Variants in ADAT1 observed in about 807,000 individuals in gnomAD.
ADAT1 encodes the protein adenosine deaminase tRNA specific 1, also known as tRNA-specific adenosine deaminase 1.
ADAT1 carries 58 observed loss-of-function variants against 58.6 expected under a neutral mutation model. The observed-to-expected ratio is 0.99, with a 90% CI of 0.80 to 1.23. The LOEUF is 1.23. Among genes scored for constraint, ADAT1 ranks in the 50% most tolerant of loss-of-function variants. The pLI is 0.00. For missense variants in ADAT1, 741 were observed against 608.6 expected, an observed-to-expected ratio of 1.22 and a Z score of -2.29; for synonymous variants, 254 against 220.8, an observed-to-expected ratio of 1.15 and a Z score of -1.33.
At position 75,617,462 on chromosome 16, in the gene ADAT1, G is replaced by C. The variant is rs1042185844; in HGVS notation, c.294-190C>G. On this transcript the variant is annotated intron_variant, in intron 4 of 9. Transcript: ENST00000564657. ...TGTACCAGCAGCATCAGCATCACCT[G>C]GGAATTTGTTAGACCTCCAATTTCA... is the stretch of plus-strand genomic sequence containing the variant. Among the ~76,000 whole-genome samples the C allele has an allele frequency of 2.0e-5, 3 of 152,014 alleles. No individual in the cohort carries two copies. In the East Asian group the frequency reaches 5.8e-4, roughly 29 times the overall value.
intron 8 of ADAT1, among the ~76,000 whole-genome samples, chr16:75,604,143 G>T (rs781254006): frequency 2.6e-4 from 39 of 151,892 alleles, no homozygotes; most frequent in South Asian, 2.1e-4. Flanking sequence ...ATGTAATTAG[G>T]GATGGCCAAA....
chr16:75,603,020 C>T (rs544312765), intron 9 of ADAT1, 65 bp downstream of exon 9: 4 of 1,470,138 alleles, frequency 2.7e-6, no homozygotes, highest in Middle Eastern at 1.7e-4. Context: ...CTTCTTGCTA[C>T]TCAGAAGCCA....
intron 9 of ADAT1, 120 bp from the exon 10 acceptor site, chr16:75,600,468 T>C: frequency 6.9e-7 from 1 of 1,452,748 alleles, no homozygotes; most frequent in Non-Finnish European, 9.2e-7. Context: ...GAGAAGGAGT[T>C]CAGTATGCTT....
intron 3 of ADAT1, 149 bp from the exon 4 acceptor site, chr16:75,618,789 A>G: frequency 1.2e-6 from 1 of 868,712 alleles, no homozygotes; most frequent in Non-Finnish European, 1.8e-6. Context: ...ATCATGAATA[A>G]CAATGCATCA....
At chr16:75,600,395 C>T in intron 9 of ADAT1, 47 bp from the exon 10 acceptor site, 5 of 1,605,910 alleles carry the variant, frequency 3.1e-6, no homozygotes, top group Non-Finnish European at 2.6e-6. Flanking sequence ...TTGAATAGCC[C>T]ACCCCAGGGG....
intron 3 of ADAT1, 113 bp from the exon 4 acceptor site, chr16:75,618,753 G>T: frequency 8.1e-7 from 1 of 1,239,184 alleles, no homozygotes; most frequent in Non-Finnish European, 1.1e-6. Context: ...TGTAGCTCCT[G>T]GAGAGCTTTG....
chr16:75,615,861 G>A (rs2081695480), intron 5 of ADAT1, among the ~76,000 whole-genome samples: 1 of 152,188 alleles, frequency 6.6e-6, no homozygotes, highest in African/African-American at 2.4e-5. Context: ...AGCTTGAGAG[G>A]AGCTGATTAG....
intron 6 of ADAT1, among the ~76,000 whole-genome samples, chr16:75,610,947 AC>A (rs1255082412): frequency 6.6e-6 from 1 of 152,200 alleles, no homozygotes. Context: ...CCCCGTCTCC[AC>A]AAAAAAAATT....
intron 5 of ADAT1, among the ~76,000 whole-genome samples, chr16:75,615,456 G>A (rs769050416): frequency 3.4e-5 from 2 of 58,490 alleles, no homozygotes; most frequent in African/African-American, 6.8e-5. Flanking sequence ...CAAAATACAC[G>A]AACGCAAACG....
intron 3 of ADAT1, among the ~76,000 whole-genome samples, chr16:75,619,054 C>G (rs914960501): frequency 2.0e-5 from 3 of 152,174 alleles, no homozygotes; most frequent in Admixed American, 1.3e-4. Context: ...ATTCGGAGAA[C>G]AAAGGTCTAG....
intron 1 of ADAT1, among the ~76,000 whole-genome samples, chr16:75,622,053 G>A (rs879618769): frequency 1.2e-4 from 18 of 152,224 alleles, no homozygotes; most frequent in Admixed American, 3.9e-4. Flanking sequence ...GGGAGGCTGA[G>A]GCAGGAGAAT....
chr16:75,597,133 A>C lies in ADAT1; in HGVS notation c.*3083T>G, dbSNP rs979603759. 1 of 204,048 alleles carries C rather than the reference A, an allele frequency of 4.9e-6. No homozygotes were observed. Among genetic ancestry groups the C allele is most frequent in the Non-Finnish European group, 1.0e-5 (1 of 97,276 alleles). 12.6% of individuals were successfully genotyped at this position (204,048 alleles called of 1,614,324 possible). ...GTTGAGTGGTGTCCCCCAAAACTTC[A>C]TGTCTACCTGAAACCTCAGAATGTG... is the stretch of plus-strand genomic sequence containing the variant. On this transcript the variant is annotated 3_prime_UTR_variant, in exon 10 of 10. Transcript: ENST00000564657.
intron 8 of ADAT1, 83 bp downstream of exon 8, chr16:75,608,141 G>T: frequency 1.7e-6 from 2 of 1,199,370 alleles, no homozygotes; most frequent in Non-Finnish European, 2.5e-6. Context: ...GTTCTTTTTG[G>T]GGTAATAAAA....
At chr16:75,618,738 G>T in intron 3 of ADAT1, 98 bp from the exon 4 acceptor site, 1 of 1,399,090 alleles carries the variant, frequency 7.1e-7, no homozygotes, top group South Asian at 1.3e-5. Context: ...CACCCAGGAT[G>T]GTCATGTAGC....
intron 5 of ADAT1, among the ~76,000 whole-genome samples, chr16:75,615,349 A>G (rs555764113): frequency 6.6e-6 from 1 of 151,802 alleles, no homozygotes; most frequent in African/African-American, 2.4e-5. Context: ...CACTGACTTA[A>G]GGAGTTTGAT....
At position 75,599,586 on chromosome 16, in the gene ADAT1, C is replaced by T. The variant is rs745426364; in HGVS notation, c.*630G>A. On this transcript the variant is annotated 3_prime_UTR_variant, in exon 10 of 10. Coordinates refer to ENST00000564657, the MANE Select transcript of ADAT1 (RefSeq NM_001324445.2). Reference sequence around the variant, plus strand: ...CTAGGTAGTAGGAAAAGATGGCCACCGGCAGTCCCATGATTATGTGACCCT... The same window carrying T: ...CTAGGTAGTAGGAAAAGATGGCCACTGGCAGTCCCATGATTATGTGACCCT... The T allele has an allele frequency of 1.2e-5, 12 of 985,788 alleles. No homozygotes were observed. The highest frequency in any genetic ancestry group is 5.2e-4 in the Middle Eastern group (1 of 1,938). The allele number at this position is 985,788 out of a possible 1,614,324, so 61.1% of individuals were successfully genotyped here.
At chr16:75,617,369 T>A (rs1332756593) in intron 4 of ADAT1, 97 bp from the exon 5 acceptor site, 1 of 1,340,210 alleles carries the variant, frequency 7.5e-7, no homozygotes, top group Non-Finnish European at 1.0e-6. Flanking sequence ...TACTGTAGAC[T>A]AATGGGACTG....
intron 8 of ADAT1, among the ~76,000 whole-genome samples, chr16:75,605,270 T>C (rs555504509): frequency 1.3e-5 from 2 of 152,208 alleles, no homozygotes; most frequent in East Asian, 1.9e-4. Context: ...TTTGTATTTT[T>C]AGTAGAGACG....
chr16:75,608,950 A>G lies in ADAT1; in HGVS notation c.1082T>C (p.Val361Ala). 6.2e-7 allele frequency: 1 copy of G among 1,614,014 alleles called. No homozygotes were observed. The highest frequency in any genetic ancestry group is 8.5e-7 in the Non-Finnish European group (1 of 1,180,010). The change falls in exon 7 of 10, where the codon GTT becomes GCT. Residue 361 changes from valine to alanine, a missense_variant. Coordinates refer to ENST00000564657, the MANE Select transcript of ADAT1 (RefSeq NM_001324445.2). ...TGACTGCAGTATTTTTAATTCTTGA[A>G]CTCCGAAGCCTTTTGGTAAAGCAGA... ...NVSALPKGFGVQELKILQSDL... is the reference protein window; with the variant it reads ...NVSALPKGFGAQELKILQSDL...
Sources: gnomAD v4.1 joint callset for allele counts (sites outside exome capture counted in the v4.1 genomes callset) on GRCh38, gnomAD v4.1.1 for gene constraint, MANE v1.5 for transcripts, NCBI Gene and HGNC (gene_info 2026-07-23, HGNC 2026-07-21) for gene names.